NCKAP5: variants seen among roughly 807,000 people sequenced by gnomAD.
The protein encoded by NCKAP5 is nck-associated protein 5.
Under a neutral mutation model 167.0 loss-of-function variants are expected in NCKAP5, and 92 were observed. The ratio of observed to expected loss-of-function variants is 0.55; its 90% CI spans 0.47 to 0.66. NCKAP5 has a LOEUF of 0.66. Among genes scored for constraint, NCKAP5 ranks in the 30% least tolerant of loss-of-function variants. The pLI, the probability that NCKAP5 is intolerant of heterozygous loss-of-function variation, is 0.00. For synonymous variants in NCKAP5, 891 were observed against 877.4 expected (o/e 1.02, Z -0.27); for missense variants, 2,378 against 2,315.0 (o/e 1.03, Z -0.56).
At chr2:132,883,888 T>C (rs1691994709) in intron 8 of NCKAP5, among the ~76,000 whole-genome samples, 1 of 152,224 alleles carries the variant, frequency 6.6e-6, no homozygotes, top group African/African-American at 2.4e-5. Flanking sequence ...GTTTCAACTG[T>C]AGGCTAGTTT....
At chr2:133,631,330 T>G in the NCKAP5 span, among the ~76,000 whole-genome samples, 1 of 152,236 alleles carries the variant, frequency 6.6e-6, no homozygotes, top group African/African-American at 2.4e-5. Context: ...TCTCTTTAAC[T>G]TATGCAGTGT....
At chr2:133,428,213 C>T (rs1689932474) in intron 3 of NCKAP5, among the ~76,000 whole-genome samples, 1 of 152,062 alleles carries the variant, frequency 6.6e-6, no homozygotes, top group South Asian at 2.1e-4. Context: ...AATACTATCA[C>T]CAAAACAGTA....
At chr2:133,348,470 G>A (rs1317041346) in intron 3 of NCKAP5, among the ~76,000 whole-genome samples, 1 of 151,800 alleles carries the variant, frequency 6.6e-6, no homozygotes, top group Non-Finnish European at 1.5e-5. Flanking sequence ...TTTTTGGGGT[G>A]GGAGTAGTTT....
At chr2:132,678,307 C>T (rs1684765777) in intron 19 of NCKAP5, among the ~76,000 whole-genome samples, 1 of 152,152 alleles carries the variant, frequency 6.6e-6, no homozygotes, top group Non-Finnish European at 1.5e-5. Flanking sequence ...ATAAATGCTA[C>T]TCTTTCATTA....
chr2:132,994,269 A>G (rs1030801291), intron 6 of NCKAP5, 30 bp from the exon 7 acceptor site: 2 of 1,495,982 alleles, frequency 1.3e-6, no homozygotes, highest in East Asian at 2.4e-5. Flanking sequence ...AGAATTTCTT[A>G]AAGAAGGTTT....
intron 4 of NCKAP5, among the ~76,000 whole-genome samples, chr2:133,279,265 T>C (rs1020762053): frequency 7.7e-4 from 118 of 152,364 alleles, no homozygotes; most frequent in African/African-American, 2.6e-3. Context: ...TAACTCATCC[T>C]TGGTCACTAT....
At chr2:133,038,944 A>C (rs1383944516) in intron 6 of NCKAP5, among the ~76,000 whole-genome samples, 1 of 152,160 alleles carries the variant, frequency 6.6e-6, no homozygotes, top group East Asian at 1.9e-4. Context: ...GAGACTGCAA[A>C]AATGTCCAAA....
At chr2:133,186,990 C>T (rs976568033) in intron 5 of NCKAP5, among the ~76,000 whole-genome samples, 2 of 151,964 alleles carry the variant, frequency 1.3e-5, no homozygotes, top group African/African-American at 4.8e-5. Context: ...ATCTTTTCCT[C>T]TGCAAGCTTC....
chr2:132,808,565 C>G (rs77482984), intron 11 of NCKAP5, among the ~76,000 whole-genome samples: 1 of 152,034 alleles, frequency 6.6e-6, no homozygotes, highest in East Asian at 1.9e-4. Context: ...TTTACAGCAG[C>G]CTTAATTGAT....
At chr2:133,532,559 A>G (rs559833646) in intron 2 of NCKAP5, among the ~76,000 whole-genome samples, 8 of 152,340 alleles carry the variant, frequency 5.3e-5, no homozygotes, top group Admixed American at 2.6e-4. Context: ...GATGAAAGCC[A>G]GTGCCCCCAC....
chr2:133,559,180 A>G (rs1487474770), intron 1 of NCKAP5, 63 bp from the exon 2 acceptor site: 1 of 152,168 alleles, frequency 6.6e-6, no homozygotes, highest in Non-Finnish European at 1.5e-5. Flanking sequence ...TCTGGAACAT[A>G]TTAACCTCTT....
At chr2:132,754,150 T>C (rs945619339) in intron 16 of NCKAP5, among the ~76,000 whole-genome samples, 7 of 152,156 alleles carry the variant, frequency 4.6e-5, no homozygotes, top group African/African-American at 1.7e-4. Flanking sequence ...TGCATTTTAT[T>C]TTGCAAATTA....
In NCKAP5 at chr2:132,784,609, C is replaced by T. The variant is rs1330567065; in HGVS notation, c.2202G>A (p.Arg734=). 5 of 1,609,322 alleles carry T rather than the reference C, an allele frequency of 3.1e-6. No individual in the cohort carries two copies. Among genetic ancestry groups the T allele is most frequent in the South Asian group, 2.2e-5 (2 of 90,304 alleles). Reference sequence around the variant, plus strand: ...TGTTTTTCTCAGTGTCCTCTTCAGACCTTTTAAAGAAAGTATAGTCTCTTG... The same window carrying T: ...TGTTTTTCTCAGTGTCCTCTTCAGATCTTTTAAAGAAAGTATAGTCTCTTG... The part of the protein sequence containing the change: ...AAARDYTFFK[R]SEEDTEKNIP... Residue 734 remains arginine, a synonymous_variant, in exon 14 of 20, where the codon AGG becomes AGA. Transcript: ENST00000409261.
At chr2:133,638,814 C>T in the NCKAP5 span, among the ~76,000 whole-genome samples, 57 of 150,560 alleles carry the variant, frequency 3.8e-4, no homozygotes, top group African/African-American at 1.4e-3. Flanking sequence ...GCTGAGATTT[C>T]ACCACTGCGC....
At chr2:132,857,591 C>T (rs1006608294) in intron 11 of NCKAP5, among the ~76,000 whole-genome samples, 2 of 152,184 alleles carry the variant, frequency 1.3e-5, no homozygotes, top group Non-Finnish European at 2.9e-5. Flanking sequence ...TAGGAGATTC[C>T]AGTCTCTGTA....
chr2:133,151,295 A>T (rs1297368922), intron 5 of NCKAP5, among the ~76,000 whole-genome samples: 1 of 152,190 alleles, frequency 6.6e-6, no homozygotes, highest in Non-Finnish European at 1.5e-5. Context: ...GATAAGTTGG[A>T]CTTCATTAAA....
chr2:133,415,726 T>C (rs552657961), intron 3 of NCKAP5, among the ~76,000 whole-genome samples: 1 of 152,248 alleles, frequency 6.6e-6, no homozygotes, highest in East Asian at 1.9e-4. Context: ...GCTATTTTTA[T>C]TTCTTATTCA....
At position 133,090,788 on chromosome 2, in the gene NCKAP5, G is replaced by C. The variant is rs539312274; in HGVS notation, c.341+39190C>G. Among the ~76,000 whole-genome samples, 14 of 126,156 alleles carry C rather than the reference G, an allele frequency of 1.1e-4. No individual in the cohort carries two copies. The East Asian group carries it at 3.7e-3, about 33-fold the overall frequency. 82.8% of individuals were successfully genotyped at this position (126,156 alleles called of 152,430 possible). ...ATTCTCTGAACACGGTTGGAGACTT[G>C]GCGGGGGAAATTACAGAATAGAGAA... On this transcript the variant is annotated intron_variant, in intron 6 of 19. Transcript: ENST00000409261.
At chr2:133,065,083 G>A (rs1160298385) in intron 6 of NCKAP5, among the ~76,000 whole-genome samples, 1 of 152,096 alleles carries the variant, frequency 6.6e-6, no homozygotes, top group African/African-American at 2.4e-5. Flanking sequence ...AGTGTTGATT[G>A]CCTGTAAGTT....
Sources: gnomAD v4.1 joint callset for allele counts (sites outside exome capture counted in the v4.1 genomes callset) on GRCh38, gnomAD v4.1.1 for gene constraint, MANE v1.5 for transcripts, NCBI Gene and HGNC (gene_info 2026-07-23, HGNC 2026-07-21) for gene names.